Variants in A4GALT observed in about 807,000 individuals in gnomAD.
The protein encoded by A4GALT is lactosylceramide 4-alpha-galactosyltransferase.
For synonymous variants in A4GALT, 257 were observed against 220.7 expected, an observed-to-expected ratio of 1.16 and a Z score of -1.46; for missense variants, 512 against 486.0, an observed-to-expected ratio of 1.05 and a Z score of -0.50.
rs1424990769 is a variant in A4GALT, at chr22:42,705,769, G to A, written c.-187-10138C>T. ...TGTAATCCCAGCACTTTAATAGGCCGAGGCTGGCAGATCGTTTGAGGTCTG... is the reference window on the plus strand; with the variant it reads ...TGTAATCCCAGCACTTTAATAGGCCAAGGCTGGCAGATCGTTTGAGGTCTG... On this transcript the variant is annotated intron_variant, in intron 1 of 2. Coordinates refer to ENST00000642412, the MANE Select transcript of A4GALT (RefSeq NM_017436.7). 3.3e-5 allele frequency among the ~76,000 whole-genome samples: 4 copies of A among 120,854 alleles called. 1 individual carries two copies. In the South Asian group the frequency reaches 9.6e-4, roughly 29 times the overall value. 79.3% of individuals were successfully genotyped at this position (120,854 alleles called of 152,430 possible). A position where few individuals can be genotyped will look rare whatever the true frequency, so the allele number is the denominator to read the frequency against.
rs528511028 is a variant in A4GALT at position 42,716,075 on chromosome 22, G to A, written c.-188+4722C>T. Among the ~76,000 whole-genome samples the A allele has an allele frequency of 2.2e-4, 33 of 151,988 alleles. 3 individuals are homozygous for A. Among genetic ancestry groups the A allele is most frequent in the Admixed American group, 6.6e-4 (10 of 15,258 alleles). On this transcript the variant is annotated intron_variant, in intron 1 of 2. Coordinates refer to ENST00000642412, the MANE Select transcript of A4GALT (RefSeq NM_017436.7). ...TCGAACTCCCGACCTCAGGTGATCC[G>A]CCCGCTTCGGCCTCCCAAAGTGCTG...
At chr22:42,703,506 G>C (rs571439821) in intron 1 of A4GALT, among the ~76,000 whole-genome samples, 2 of 151,904 alleles carry the variant, frequency 1.3e-5, no homozygotes, top group Admixed American at 1.3e-4. Context: ...TACTGGCCTC[G>C]GCCTCCCAAA....
At chr22:42,697,325 G>A (rs983620141) in intron 1 of A4GALT, among the ~76,000 whole-genome samples, 2 of 152,154 alleles carry the variant, frequency 1.3e-5, no homozygotes, top group African/African-American at 2.4e-5. Flanking sequence ...TCCCTGGGAT[G>A]CGGGTAGCAA....
chr22:42,711,664 C>T (rs905782897), intron 1 of A4GALT, among the ~76,000 whole-genome samples: 1 of 152,030 alleles, frequency 6.6e-6, no homozygotes, highest in African/African-American at 2.4e-5. Flanking sequence ...CCCCGAGTCT[C>T]GCTCTGTTGC....
Position 42,693,969 on chromosome 22 carries a change from C to G in A4GALT, c.-18G>C. The G allele has an allele frequency of 1.3e-6, 2 of 1,558,280 alleles. No individual in the cohort carries two copies. The highest frequency in any genetic ancestry group is 1.7e-6 in the Non-Finnish European group (2 of 1,152,192). On this transcript the variant is annotated 5_prime_UTR_variant, in exon 3 of 3. Transcript: ENST00000642412. ...TTGGACATGGTATCCCCAGATCAGACCAGGAGCTTCCAGCAGGAACCGGCT... is the reference window on the plus strand; with the variant it reads ...TTGGACATGGTATCCCCAGATCAGAGCAGGAGCTTCCAGCAGGAACCGGCT...
Position 42,695,587 on chromosome 22 carries a change from C to T in A4GALT, c.-143G>A, listed in dbSNP as rs1806411087. On this transcript the variant is annotated 5_prime_UTR_variant, in exon 2 of 3. Coordinates refer to ENST00000642412, the MANE Select transcript of A4GALT (RefSeq NM_017436.7). ...CTCAGCAGCCGACCTTCTTTGCCAA[C>T]ACGAACACGGCCCTTCCACACACTT... is the stretch of plus-strand genomic sequence containing the variant. The T allele has an allele frequency of 6.6e-6, 1 of 152,322 alleles. No homozygotes were observed. Among genetic ancestry groups the T allele is most frequent in the Non-Finnish European group, 1.5e-5 (1 of 68,122 alleles). The allele number at this position is 152,322 out of a possible 1,614,324, so 9.4% of individuals were successfully genotyped here. A position where few individuals can be genotyped will look rare whatever the true frequency, so the allele number is the denominator to read the frequency against.
rs1380905985 is a variant in A4GALT, at chr22:42,706,180, C to G, written c.-187-10549G>C. On this transcript the variant is annotated intron_variant, in intron 1 of 2. Transcript: ENST00000642412. ...ACCATCCTGGCTAACACGGTGAAAC[C>G]CCGTCTCTACTAAAAATACAAAAAA... Among the ~76,000 whole-genome samples the G allele has an allele frequency of 1.5e-5, 2 of 133,048 alleles. 1 individual carries two copies. The highest frequency in any genetic ancestry group is 3.3e-5 in the Non-Finnish European group (2 of 59,708). 87.3% of individuals were successfully genotyped at this position (133,048 alleles called of 152,430 possible).
In A4GALT at chr22:42,693,435, C is replaced by G; in HGVS notation, c.517G>C (p.Val173Leu). ...QGRWEPYLLP[V>L]LSDASRIALM... ...GCGATCCTGGAGGCGTCGGAGAGCA[C>G]GGGCAGCAGGTAGGGCTCCCAGCGC... is the stretch of plus-strand genomic sequence containing the variant. Residue 173 changes from valine (V) to leucine (L), a missense_variant, in exon 3 of 3, where the codon GTG becomes CTG. Physicochemically the swap from Val to Leu is conservative, Grantham distance 32. Coordinates refer to ENST00000642412, the MANE Select transcript of A4GALT (RefSeq NM_017436.7). 6.2e-7 allele frequency: 1 copy of G among 1,613,268 alleles called. No homozygotes were observed. The highest frequency in any genetic ancestry group is 1.1e-5 in the South Asian group (1 of 91,082).
chr22:42,708,077 A>C (rs1018353825), intron 1 of A4GALT, among the ~76,000 whole-genome samples: 14 of 151,956 alleles, frequency 9.2e-5, no homozygotes, highest in Non-Finnish European at 1.6e-4. Flanking sequence ...AACATGGAGA[A>C]ACCCCATCTC....
In A4GALT at chr22:42,709,067, A is replaced by ATTTTTTT. The variant is rs71186522; in HGVS notation, c.-188+11723_-188+11729dup. The stretch of plus-strand genomic sequence containing the variant: ...AATTTAAATATATATATATATATAT[A>ATTTTTTT]TTTTTTTTAAGACAGGGTCTGCTGT... On this transcript the variant is annotated intron_variant, in intron 1 of 2. Transcript: ENST00000642412. 3.4e-3 allele frequency among the ~76,000 whole-genome samples: 440 copies of ATTTTTTT among 128,782 alleles called. 1 individual carries two copies. Among genetic ancestry groups the ATTTTTTT allele is most frequent in the African/African-American group, 0.012 (415 of 35,582 alleles). The allele number at this position is 128,782 out of a possible 152,430, so 84.5% of individuals were successfully genotyped here.
At position 42,693,516 on chromosome 22, in the gene A4GALT, G is replaced by A. The variant is rs778860281; in HGVS notation, c.436C>T (p.Leu146=). 24 of 1,613,156 alleles carry A rather than the reference G, an allele frequency of 1.5e-5. No homozygotes were observed. Among genetic ancestry groups the A allele is most frequent in the East Asian group, 2.2e-5 (1 of 44,880 alleles). The change falls in exon 3 of 3, where the codon CTG becomes TTG. Residue 146 remains leucine (L), a synonymous_variant. Transcript: ENST00000642412. ...GGTGTGTCCCGGAACAGCTCCCGCAGGTCCAGCGGGAGCATCTGGACATTC... is the reference window on the plus strand; with the variant it reads ...GGTGTGTCCCGGAACAGCTCCCGCAAGTCCAGCGGGAGCATCTGGACATTC... ...FPNVQMLPLD[L]RELFRDTPLA... is the part of the protein sequence containing the mutation.
At position 42,692,401 on chromosome 22, in the gene A4GALT, G is replaced by C; in HGVS notation, c.*489C>G. ...TTGACCTCCCCCACCCCCCGCGAAA[G>C]AGGAACCAAAACCAGAAAAGAACAA... On this transcript the variant is annotated 3_prime_UTR_variant, in exon 3 of 3. Coordinates refer to ENST00000642412, the MANE Select transcript of A4GALT (RefSeq NM_017436.7). The surrounding 1 kb of genome is among the most constrained non-coding windows in gnomAD (Gnocchi z 4.6). 3.3e-6 allele frequency: 1 copy of C among 306,192 alleles called. No individual in the cohort carries two copies. The highest frequency in any genetic ancestry group is 6.4e-6 in the Non-Finnish European group (1 of 155,072). 19.0% of individuals were successfully genotyped at this position (306,192 alleles called of 1,614,324 possible). A position where few individuals can be genotyped will look rare whatever the true frequency, so the allele number is the denominator to read the frequency against.
chr22:42,711,120 C>T (rs1921653914), intron 1 of A4GALT, among the ~76,000 whole-genome samples: 1 of 151,732 alleles, frequency 6.6e-6, no homozygotes. Context: ...TCCCAGAAAT[C>T]AATAAGAAGA....
rs1930535558 is a variant in A4GALT at position 42,692,761 on chromosome 22, CCTCAACA to C, written c.*122_*128del. On this transcript the variant is annotated 3_prime_UTR_variant, in exon 3 of 3. Coordinates refer to ENST00000642412, the MANE Select transcript of A4GALT (RefSeq NM_017436.7). This position sits in a 1 kb window ranked among gnomAD's most constrained non-coding sequence, Gnocchi z 4.6. ...TCCCACTGGGCCTGCTCCCACAGCT[CCTCAACA>C]GCCTGCCTAAGCCCGGTGGCAGCTC... 15 of 1,106,612 alleles carry C rather than the reference CCTCAACA, an allele frequency of 1.4e-5. No homozygotes were observed. The African/African-American group carries it at 2.3e-4, about 17-fold the overall frequency. The allele number at this position is 1,106,612 out of a possible 1,614,324, so 68.5% of individuals were successfully genotyped here.
At position 42,707,328 on chromosome 22, in the gene A4GALT, A is replaced by T. The variant is rs568790843; in HGVS notation, c.-187-11697T>A. On this transcript the variant is annotated intron_variant, in intron 1 of 2. Transcript: ENST00000642412. ...TTAAAAATCGGGAATTTTTTAAAAA[A>T]TTTTATCTATGGGATTCCTAGCAAA... Among the ~76,000 whole-genome samples, 3 of 152,274 alleles carry T rather than the reference A, an allele frequency of 2.0e-5. No homozygotes were observed. The East Asian group carries it at 5.8e-4, about 29-fold the overall frequency.
intron 1 of A4GALT, among the ~76,000 whole-genome samples, chr22:42,710,592 G>A (rs540406558): frequency 4.3e-4 from 66 of 152,202 alleles, no homozygotes; most frequent in African/African-American, 1.4e-3. Context: ...AGATACTTGA[G>A]AGGCTGAGGT....
At chr22:42,703,720 C>A (rs1920945701) in intron 1 of A4GALT, among the ~76,000 whole-genome samples, 1 of 152,130 alleles carries the variant, frequency 6.6e-6, no homozygotes, top group Admixed American at 6.6e-5. Flanking sequence ...AGGGAGGGTG[C>A]AGGCTAACCA....
intron 1 of A4GALT, among the ~76,000 whole-genome samples, chr22:42,719,340 G>A (rs1422064474): frequency 6.6e-6 from 1 of 152,148 alleles, no homozygotes; most frequent in African/African-American, 2.4e-5. Context: ...GTGTGTGCCT[G>A]CAGTCTCAGC....
At chr22:42,710,739 C>T (rs950658759) in intron 1 of A4GALT, among the ~76,000 whole-genome samples, 1 of 145,208 alleles carries the variant, frequency 6.9e-6, no homozygotes, top group Non-Finnish European at 1.5e-5. Context: ...TAAATAAGAA[C>T]AATGCAGCCT....
Sources: gnomAD v4.1 joint callset for allele counts (sites outside exome capture counted in the v4.1 genomes callset) on GRCh38, gnomAD v4.1.1 for gene constraint, Gnocchi (gnomAD v3.1) non-coding constraint, MANE v1.5 for transcripts, NCBI Gene and HGNC (gene_info 2026-07-23, HGNC 2026-07-21) for gene names.